The following ZMIZ1 variants were observed in gnomAD, a reference collection of about 807,000 sequenced individuals.
The protein encoded by ZMIZ1 is zinc finger MIZ-type containing 1, also known as zinc finger MIZ domain-containing protein 1.
In ZMIZ1, 17 loss-of-function variants were observed where a neutral mutation model predicts 113.9. The ratio of observed to expected loss-of-function variants is 0.15; its 90% CI spans 0.10 to 0.22. The LOEUF is 0.22. Ranked by LOEUF, ZMIZ1 falls within the 10% of genes least tolerant of loss-of-function variation. ZMIZ1 has a pLI of 1.00. For missense variants in ZMIZ1, 1,059 were observed against 1,477.8 expected (o/e 0.72, Z 4.65); for synonymous variants, 607 against 603.1 (o/e 1.01, Z -0.09).
chr10:79,287,407 C>T (rs928032041), intron 8 of ZMIZ1, among the ~76,000 whole-genome samples: 9 of 152,244 alleles, frequency 5.9e-5, no homozygotes, highest in African/African-American at 2.2e-4. Context: ...ACTGAGTGCC[C>T]TGAGTACAGC....
At chr10:79,237,314 A>G (rs1849631619) in intron 7 of ZMIZ1, among the ~76,000 whole-genome samples, 1 of 152,264 alleles carries the variant, frequency 6.6e-6, no homozygotes, top group African/African-American at 2.4e-5. Flanking sequence ...CCAGAGCAAC[A>G]TGAGGAAGGG....
At chr10:79,202,696 G>T (rs766185601) in intron 5 of ZMIZ1, among the ~76,000 whole-genome samples, 17 of 152,188 alleles carry the variant, frequency 1.1e-4, no homozygotes, top group Non-Finnish European at 2.5e-4. Flanking sequence ...TCACAGGGGC[G>T]CCCCCAAGCG....
At chr10:79,154,157 T>C (rs1366680449) in intron 3 of ZMIZ1, among the ~76,000 whole-genome samples, 1 of 152,164 alleles carries the variant, frequency 6.6e-6, no homozygotes, top group African/African-American at 2.4e-5. Flanking sequence ...TGGGCCAATA[T>C]TGGACCCCCT....
chr10:79,133,643 G>GT (rs1844868261), intron 2 of ZMIZ1, among the ~76,000 whole-genome samples: 1 of 152,166 alleles, frequency 6.6e-6, no homozygotes, highest in Non-Finnish European at 1.5e-5. Context: ...CCTTGGTAGT[G>GT]CATTTTCATA....
chr10:79,138,299 G>A (rs1055668362), intron 2 of ZMIZ1, among the ~76,000 whole-genome samples: 4 of 152,200 alleles, frequency 2.6e-5, no homozygotes, highest in African/African-American at 2.4e-5. Context: ...AATGTTCTGC[G>A]CCTCCAGATC....
intron 8 of ZMIZ1, 71 bp from the exon 9 acceptor site, chr10:79,289,704 G>T: frequency 2.8e-6 from 4 of 1,420,540 alleles, no homozygotes; most frequent in Non-Finnish European, 3.9e-6. Context: ...ACTTGGTGGG[G>T]TGATGGGCAT....
chr10:79,174,026 C>T (rs1283818299), intron 4 of ZMIZ1, among the ~76,000 whole-genome samples: 3 of 152,232 alleles, frequency 2.0e-5, no homozygotes, highest in East Asian at 3.9e-4. Context: ...GGTTCCCTGA[C>T]CTCCCAAGGG....
intron 7 of ZMIZ1, among the ~76,000 whole-genome samples, chr10:79,220,515 C>G (rs968276385): frequency 6.6e-6 from 1 of 152,218 alleles, no homozygotes; most frequent in Non-Finnish European, 1.5e-5. Flanking sequence ...AGAGCTCGCT[C>G]CAGCCCCCAA....
intron 4 of ZMIZ1, among the ~76,000 whole-genome samples, chr10:79,177,567 G>C (rs892543478): frequency 8.5e-5 from 13 of 152,188 alleles, no homozygotes; most frequent in Non-Finnish European, 1.3e-4. Flanking sequence ...CACCACCAAG[G>C]GAAGGCAGAC....
chr10:79,311,252 GGGTGGGTGTGAGGGCTCGAGGCCCCGA>G, intron 24 of ZMIZ1, 68 bp downstream of exon 24: 1 of 1,534,750 alleles, frequency 6.5e-7, no homozygotes, highest in Non-Finnish European at 8.7e-7. Context: ...CCGAGAGAAG[GGGTGGGTGTGAGGGCTCGAGGCCCCGA>G]AGGGAGGAGG....
intron 3 of ZMIZ1, among the ~76,000 whole-genome samples, chr10:79,141,146 G>T (rs1194210033): frequency 6.6e-6 from 1 of 152,170 alleles, no homozygotes; most frequent in African/African-American, 2.4e-5. Flanking sequence ...ACGAGGGAGA[G>T]GGGACGTGGC....
At chr10:79,141,608 A>G (rs921250141) in intron 3 of ZMIZ1, among the ~76,000 whole-genome samples, 1 of 152,118 alleles carries the variant, frequency 6.6e-6, no homozygotes, top group Non-Finnish European at 1.5e-5. Context: ...GGGTTTTCCC[A>G]TGTTGCCCAG....
chr10:79,212,594 G>A (rs896874860), intron 6 of ZMIZ1, among the ~76,000 whole-genome samples: 10 of 151,946 alleles, frequency 6.6e-5, no homozygotes, highest in Non-Finnish European at 1.2e-4. Flanking sequence ...TCTACTAAAA[G>A]TACAAAAGAA....
chr10:79,272,924 G>T (rs539658798), intron 7 of ZMIZ1, among the ~76,000 whole-genome samples: 7 of 152,362 alleles, frequency 4.6e-5, no homozygotes, highest in African/African-American at 1.7e-4. Flanking sequence ...AGGTGAGCTG[G>T]AAGGCCCCAA....
rs531271955 is a variant in ZMIZ1, at chr10:79,254,890, C to T, written c.281-22291C>T. 3.0e-3 allele frequency among the ~76,000 whole-genome samples: 454 copies of T among 152,332 alleles called. 4 individuals carry two copies. Among genetic ancestry groups the T allele is most frequent in the Middle Eastern group, 0.014 (4 of 294 alleles). On this transcript the variant is annotated intron_variant, in intron 7 of 24. Transcript: ENST00000334512. ...TTTCAGCACATTGCCCGATGGCCCC[C>T]ATCCACTCTTGCTGGGGAAGAAGGG... is the stretch of plus-strand genomic sequence containing the variant.
At chr10:79,149,316 T>G (rs913304587) in intron 3 of ZMIZ1, among the ~76,000 whole-genome samples, 2 of 152,236 alleles carry the variant, frequency 1.3e-5, no homozygotes, top group Non-Finnish European at 2.9e-5. Context: ...CTGGCCTATT[T>G]GCTTTCTGAG....
Position 79,296,776 on chromosome 10 carries a change from G to A in ZMIZ1, c.1413+123G>A. ...GCCCCAAGGACAGCGAGGGGTGGGT[G>A]ATTTCTGAACGTCCCCATGTGTTCA... On this transcript the variant is annotated intron_variant, in intron 13 of 24. Coordinates refer to ENST00000334512, the MANE Select transcript of ZMIZ1 (RefSeq NM_020338.4). This position sits in a 1 kb window ranked among gnomAD's most constrained non-coding sequence, Gnocchi z 4.1. 1 of 1,017,788 alleles carries A rather than the reference G, an allele frequency of 9.8e-7. No homozygotes were observed. The highest frequency in any genetic ancestry group is 1.4e-6 in the Non-Finnish European group (1 of 726,302). 63.0% of individuals were successfully genotyped at this position (1,017,788 alleles called of 1,614,324 possible).
At chr10:79,177,508 C>G (rs703988) in intron 4 of ZMIZ1, among the ~76,000 whole-genome samples, 103,357 of 152,104 alleles carry the variant, frequency 0.68, 35,534 homozygotes, top group East Asian at 0.88. Context: ...TGAGAAGGGC[C>G]GGGGGAGATC....
chr10:79,293,716 C>T (rs773327241), intron 12 of ZMIZ1, 63 bp downstream of exon 12: 3 of 1,610,606 alleles, frequency 1.9e-6, no homozygotes, highest in Non-Finnish European at 2.5e-6. Context: ...AAGACATGGG[C>T]CGTGGGTACG....
Sources: allele counts gnomAD v4.1 joint callset (sites outside exome capture counted in the v4.1 genomes callset), GRCh38; gene constraint gnomAD v4.1.1; non-coding constraint Gnocchi (gnomAD v3.1); transcripts MANE v1.5; gene names NCBI Gene and HGNC (gene_info 2026-07-23, HGNC 2026-07-21).